Variants in NRXN1 observed in about 807,000 individuals in gnomAD.
NRXN1 encodes the protein neurexin 1.
In NRXN1, 39 loss-of-function variants were observed where a neutral mutation model predicts 150.9. The observed-to-expected ratio is 0.26, with a 90% CI of 0.20 to 0.34. The LOEUF (loss-of-function observed/expected upper bound fraction) is 0.34. Ranked by LOEUF, NRXN1 falls within the 10% of genes least tolerant of loss-of-function variation. The pLI, the probability that NRXN1 is intolerant of heterozygous loss-of-function variation, is 1.00. For missense variants in NRXN1, 1,815 were observed against 1,949.9 expected, an observed-to-expected ratio of 0.93 and a Z score of 1.30; for synonymous variants, 924 against 757.0, an observed-to-expected ratio of 1.22 and a Z score of -3.62.
At chr2:50,240,453 A>T (rs949067413) in intron 17 of NRXN1, among the ~76,000 whole-genome samples, 2 of 151,798 alleles carry the variant, frequency 1.3e-5, no homozygotes, top group African/African-American at 4.8e-5. Flanking sequence ...CTTTGCATCA[A>T]ACTTTACAAA....
chr2:50,244,564 T>A (rs2066333438), intron 17 of NRXN1, among the ~76,000 whole-genome samples: 1 of 151,928 alleles, frequency 6.6e-6, no homozygotes, highest in South Asian at 2.1e-4. Context: ...GCCAACTGTG[T>A]GAAAGGAGCT....
chr2:50,909,682 T>C (rs910464692), intron 5 of NRXN1, among the ~76,000 whole-genome samples: 1 of 152,044 alleles, frequency 6.6e-6, no homozygotes, highest in Admixed American at 6.6e-5. Flanking sequence ...ATAACTTTCA[T>C]ATAATTTCAA....
At chr2:50,098,307 G>A (rs189282700) in intron 18 of NRXN1, among the ~76,000 whole-genome samples, 4 of 152,192 alleles carry the variant, frequency 2.6e-5, no homozygotes, top group African/African-American at 4.8e-5. Context: ...AAGGTAAATC[G>A]TGCATGCAAA....
chr2:50,548,345 T>C (rs1235135550), intron 9 of NRXN1: 1 of 152,212 alleles, frequency 6.6e-6, no homozygotes, highest in African/African-American at 2.4e-5. Context: ...CAGTGGCTTA[T>C]TTCAAACATC....
chr2:50,538,436 T>C lies in NRXN1; in HGVS notation c.1960A>G (p.Lys654Glu). The change falls in exon 10 of 23, where the codon AAA becomes GAA. Residue 654 changes from lysine (K) to glutamate (E), a missense_variant. Physicochemically the swap from Lys to Glu is moderately conservative, Grantham distance 56. Coordinates refer to ENST00000401669, the MANE Select transcript of NRXN1 (RefSeq NM_001330078.2). ...ACTTCAGCCATTTGCCGGATATCTTTGCTTTGGCCATCGATGAACAAATCC... is the reference window on the plus strand; with the variant it reads ...ACTTCAGCCATTTGCCGGATATCTTCGCTTTGGCCATCGATGAACAAATCC... ...IRDLFIDGQSKDIRQMAEVQS... is the reference protein window; with the variant it reads ...IRDLFIDGQSEDIRQMAEVQS... 6.2e-7 allele frequency: 1 copy of C among 1,613,974 alleles called. No individual in the cohort carries two copies. Among genetic ancestry groups the C allele is most frequent in the Non-Finnish European group, 8.5e-7 (1 of 1,179,872 alleles).
intron 5 of NRXN1, among the ~76,000 whole-genome samples, chr2:50,816,741 GC>G (rs1490283579): frequency 2.6e-5 from 4 of 152,066 alleles, no homozygotes; most frequent in Non-Finnish European, 5.9e-5. Flanking sequence ...AATCACTTGG[GC>G]CATGAGTTGG....
chr2:51,018,018 C>T (rs918804401), intron 2 of NRXN1, among the ~76,000 whole-genome samples: 6 of 152,122 alleles, frequency 3.9e-5, no homozygotes, highest in South Asian at 2.1e-4. Context: ...CTCCGCTGGA[C>T]GGGGCTGTGG....
intron 17 of NRXN1, among the ~76,000 whole-genome samples, chr2:50,269,619 C>T (rs966641127): frequency 6.6e-6 from 1 of 151,994 alleles, no homozygotes; most frequent in Admixed American, 6.6e-5. Flanking sequence ...AAGTTAAGTC[C>T]AGTAAAAATA....
chr2:50,764,325 C>A (rs1702150317), intron 5 of NRXN1, among the ~76,000 whole-genome samples: 1 of 151,986 alleles, frequency 6.6e-6, no homozygotes, highest in African/African-American at 2.4e-5. Context: ...AAATGACATT[C>A]ATACCATACT....
intron 17 of NRXN1, among the ~76,000 whole-genome samples, chr2:50,403,422 A>C (rs1178484021): frequency 6.6e-6 from 1 of 152,094 alleles, no homozygotes; most frequent in East Asian, 1.9e-4. Context: ...AAATTATCCC[A>C]GGTAATTCTT....
intron 5 of NRXN1, among the ~76,000 whole-genome samples, chr2:50,868,138 ATATT>A: frequency 9.7e-6 from 1 of 102,612 alleles, no homozygotes; most frequent in South Asian, 3.4e-4. Flanking sequence ...GATAAACAAA[ATATT>A]ATATATATAT....
chr2:50,158,921 A>G (rs1407029890), intron 18 of NRXN1, among the ~76,000 whole-genome samples: 4 of 152,068 alleles, frequency 2.6e-5, no homozygotes, highest in African/African-American at 7.2e-5. Flanking sequence ...AGGATACGAC[A>G]AAAAACGCGT....
At chr2:50,651,470 G>A (rs942299807) in intron 5 of NRXN1, among the ~76,000 whole-genome samples, 20 of 137,994 alleles carry the variant, frequency 1.4e-4, no homozygotes, top group South Asian at 6.9e-4. Flanking sequence ...ATAACATAAC[G>A]TAACATGACA....
In NRXN1 at chr2:50,316,758, C is replaced by T. The variant is rs1281735231; in HGVS notation, c.3365-79788G>A. ...GATTTAATGAGAAATACAAATTTGCCGAAAATATGTCTTCCTTCTTTAGGA... is the reference window on the plus strand; with the variant it reads ...GATTTAATGAGAAATACAAATTTGCTGAAAATATGTCTTCCTTCTTTAGGA... On this transcript the variant is annotated intron_variant, in intron 17 of 22. Transcript: ENST00000401669. 4.0e-5 allele frequency among the ~76,000 whole-genome samples: 6 copies of T among 151,642 alleles called. No homozygotes were observed. In the East Asian group the frequency reaches 7.7e-4, roughly 20 times the overall value.
chr2:50,702,830 T>C (rs936436682), intron 5 of NRXN1, among the ~76,000 whole-genome samples: 1 of 152,172 alleles, frequency 6.6e-6, no homozygotes, highest in Admixed American at 6.5e-5. Context: ...GTCACTGTTA[T>C]AATTATTTCT....
At chr2:49,979,859 A>C (rs1180105268) in intron 21 of NRXN1, among the ~76,000 whole-genome samples, 1 of 151,638 alleles carries the variant, frequency 6.6e-6, no homozygotes, top group African/African-American at 2.4e-5. Context: ...GATGGAAATT[A>C]ATGTCCAAGT....
intron 17 of NRXN1, among the ~76,000 whole-genome samples, chr2:50,274,703 C>A (rs1206690086): frequency 1.3e-5 from 2 of 151,924 alleles, no homozygotes; most frequent in Non-Finnish European, 2.9e-5. Flanking sequence ...TTTTTAATCT[C>A]TAAAATGAGC....
At chr2:50,643,864 C>T (rs1684417374) in intron 5 of NRXN1, among the ~76,000 whole-genome samples, 2 of 151,754 alleles carry the variant, frequency 1.3e-5, no homozygotes. Context: ...AAAATTTAGG[C>T]TTTTATAAAC....
chr2:50,940,429 C>T (rs1367655847), intron 2 of NRXN1, among the ~76,000 whole-genome samples: 5 of 149,422 alleles, frequency 3.3e-5, no homozygotes, highest in Middle Eastern at 3.4e-3. Flanking sequence ...GAACCAATAT[C>T]GTGCCACTGT....
Sources: gnomAD v4.1 joint callset for allele counts (sites outside exome capture counted in the v4.1 genomes callset) on GRCh38, gnomAD v4.1.1 for gene constraint, MANE v1.5 for transcripts, NCBI Gene and HGNC (gene_info 2026-07-23, HGNC 2026-07-21) for gene names.